The following GLB1L3 variants were observed in gnomAD, a reference collection of about 807,000 sequenced individuals.
The protein encoded by GLB1L3 is galactosidase beta 1 like 3.
GLB1L3 carries 89 observed loss-of-function variants against 89.5 expected under a neutral mutation model. That is an observed-to-expected ratio of 0.99 (90% CI 0.84 to 1.19). GLB1L3 has a LOEUF of 1.19. Ranked by LOEUF, GLB1L3 falls within the 50% of genes most tolerant of loss-of-function variation. The pLI, the probability that GLB1L3 is intolerant of heterozygous loss-of-function variation, is 0.00. For missense variants in GLB1L3, 812 were observed against 813.3 expected (o/e 1.00, Z 0.02); for synonymous variants, 314 against 312.3 (o/e 1.01, Z -0.06).
chr11:134,289,254 A>G (rs1404854805), intron 7 of GLB1L3, among the ~76,000 whole-genome samples: 2 of 152,182 alleles, frequency 1.3e-5, no homozygotes, highest in African/African-American at 4.8e-5. Context: ...TTGACTTCTC[A>G]TTAAGCAGAA....
intron 16 of GLB1L3, 65 bp downstream of exon 16, chr11:134,313,539 T>A: frequency 3.2e-6 from 3 of 926,560 alleles, no homozygotes; most frequent in Non-Finnish European, 3.3e-6. Flanking sequence ...TGCACTGGAG[T>A]CGGGGGCGGG....
chr11:134,281,124 A>G (rs1940661127), intron 3 of GLB1L3, among the ~76,000 whole-genome samples: 2 of 152,354 alleles, frequency 1.3e-5, no homozygotes, highest in Non-Finnish European at 1.5e-5. Context: ...AGTGAGTGGA[A>G]GAATTTATAT....
chr11:134,296,096 C>A (rs1193459280), intron 9 of GLB1L3, among the ~76,000 whole-genome samples: 3 of 152,258 alleles, frequency 2.0e-5, no homozygotes, highest in East Asian at 3.9e-4. Context: ...AAAAAATGCT[C>A]ACCATCACTG....
chr11:134,313,774 A>G (rs1032433438), intron 16 of GLB1L3, among the ~76,000 whole-genome samples, 167 bp from the exon 17 acceptor site: 4 of 152,218 alleles, frequency 2.6e-5, no homozygotes, highest in Non-Finnish European at 5.9e-5. Context: ...TAGTGTGGAA[A>G]CATACAGCTA....
chr11:134,313,552 A>G (rs1591592624), intron 16 of GLB1L3, 78 bp downstream of exon 16: 1 of 556,126 alleles, frequency 1.8e-6, no homozygotes, highest in Non-Finnish European at 3.3e-6. Context: ...GGGGCGGGAG[A>G]GGGTGGGGAA....
At chr11:134,295,887 G>A (rs1246129888) in intron 9 of GLB1L3, among the ~76,000 whole-genome samples, 1 of 152,072 alleles carries the variant, frequency 6.6e-6, no homozygotes. Flanking sequence ...AGTTGGGAGT[G>A]TGCTGTTTCA....
At chr11:134,292,731 A>G (rs544629) in intron 8 of GLB1L3, 283,139 of 291,876 alleles carry the variant, frequency 0.97, 137,715 homozygotes, top group African/African-American at 1. Context: ...AGTGAGGGAC[A>G]CGCCCGGGAG....
intron 6 of GLB1L3, among the ~76,000 whole-genome samples, chr11:134,286,385 GAGGT>G (rs1940983024): frequency 6.6e-6 from 1 of 152,228 alleles, no homozygotes; most frequent in Admixed American, 6.5e-5. Flanking sequence ...AGGTGGAGTT[GAGGT>G]ACATCTTTTG....
chr11:134,290,577 G>C (rs539825), intron 7 of GLB1L3, among the ~76,000 whole-genome samples: 122,891 of 129,394 alleles, frequency 0.95, 58,459 homozygotes, highest in Non-Finnish European at 0.98. Flanking sequence ...GTCCCCCCCC[G>C]CCAAAAAAAA....
intron 9 of GLB1L3, among the ~76,000 whole-genome samples, chr11:134,304,705 A>G (rs1273805932): frequency 2.0e-5 from 3 of 151,888 alleles, no homozygotes; most frequent in African/African-American, 7.3e-5. Context: ...GTCTTCCTTG[A>G]GTACTTTTAG....
chr11:134,289,866 G>C (rs187334082), intron 7 of GLB1L3, among the ~76,000 whole-genome samples: 161 of 152,224 alleles, frequency 1.1e-3, no homozygotes, highest in South Asian at 8.3e-4. Flanking sequence ...TGAGAGTTCA[G>C]TCTCAACTGA....
rs1351814922 is a variant in GLB1L3 at position 134,318,700 on chromosome 11, A to G, written c.1849A>G (p.Lys617Glu). 6.2e-7 allele frequency: 1 copy of G among 1,613,156 alleles called. No individual in the cohort carries two copies. Among genetic ancestry groups the G allele is most frequent in the Admixed American group, 1.7e-5 (1 of 59,962 alleles). The change falls in exon 19 of 20, where the codon AAA becomes GAA. Residue 617 changes from lysine (K) to glutamate (E), a missense_variant. Physicochemically the swap from Lys to Glu is moderately conservative, Grantham distance 56 (BLOSUM62 1). Transcript: ENST00000431683. ...GCGATATTGGAATATTGGGCCTCAG[A>G]AAACACTGTACCTTCCTGGAGTTTG... ...LGRYWNIGPQ[K>E]TLYLPGVWLH...
chr11:134,281,323 T>A, intron 3 of GLB1L3, 54 bp from the exon 4 acceptor site: 7 of 1,607,632 alleles, frequency 4.4e-6, no homozygotes, highest in Non-Finnish European at 6.0e-6. Flanking sequence ...GACCTAACAA[T>A]TTGGAGGAAG....
rs150108099 is a variant in GLB1L3 at position 134,312,691 on chromosome 11, T to C, written c.1429-125T>C. 123 of 959,420 alleles carry C rather than the reference T, an allele frequency of 1.3e-4. No individual in the cohort carries two copies. In the African/African-American group the frequency reaches 1.7e-3, roughly 13 times the overall value. 59.4% of individuals were successfully genotyped at this position (959,420 alleles called of 1,614,324 possible). On this transcript the variant is annotated intron_variant, in intron 14 of 19. Transcript: ENST00000431683. Reference sequence around the variant, plus strand: ...CTCTTGGGGCCTCCAGGCAGCTTCATGCCATCAGTGAGCACCACAGCTGGT... The same window carrying C: ...CTCTTGGGGCCTCCAGGCAGCTTCACGCCATCAGTGAGCACCACAGCTGGT...
chr11:134,319,916 C>G (rs1943142106), downstream of GLB1L3, among the ~76,000 whole-genome samples: 1 of 152,100 alleles, frequency 6.6e-6, no homozygotes, highest in Non-Finnish European at 1.5e-5. Flanking sequence ...ACACGTGTGA[C>G]AACAAAGCTA....
intron 10 of GLB1L3, among the ~76,000 whole-genome samples, chr11:134,308,791 T>C (rs1279748971): frequency 6.6e-6 from 1 of 152,222 alleles, no homozygotes; most frequent in Non-Finnish European, 1.5e-5. Flanking sequence ...TCCCATGATA[T>C]AGCTGGAATT....
At position 134,284,030 on chromosome 11, in the gene GLB1L3, G is replaced by A. The variant is rs1306176081; in HGVS notation, c.636+185G>A. On this transcript the variant is annotated intron_variant, in intron 6 of 19. Transcript: ENST00000431683. Reference sequence around the variant, plus strand: ...CTGACCTGTCCTGTCCTTGTTGTCCGGGTAAGCTTCCCCAGGGTTGCTAGA... The same window carrying A: ...CTGACCTGTCCTGTCCTTGTTGTCCAGGTAAGCTTCCCCAGGGTTGCTAGA... Among the ~76,000 whole-genome samples the A allele has an allele frequency of 2.6e-5, 4 of 152,128 alleles. 1 individual carries two copies. Among genetic ancestry groups the A allele is most frequent in the Admixed American group, 2.0e-4 (3 of 15,274 alleles).
chr11:134,290,464 T>A (rs1446751946), intron 7 of GLB1L3, among the ~76,000 whole-genome samples: 3 of 150,948 alleles, frequency 2.0e-5, no homozygotes, highest in Non-Finnish European at 4.4e-5. Flanking sequence ...TCCCAGCTAC[T>A]CAGGAGGCTG....
At chr11:134,317,748 T>A (rs1481194224) in intron 18 of GLB1L3, among the ~76,000 whole-genome samples, 1 of 152,212 alleles carries the variant, frequency 6.6e-6, no homozygotes, top group Admixed American at 6.5e-5. Context: ...TATTGACTAT[T>A]GAAAGGTTGT....
Sources: allele counts gnomAD v4.1 joint callset (sites outside exome capture counted in the v4.1 genomes callset), GRCh38; gene constraint gnomAD v4.1.1; transcripts MANE v1.5; gene names NCBI Gene and HGNC (gene_info 2026-07-23, HGNC 2026-07-21).